TMOD2: variants seen among roughly 807,000 people sequenced by gnomAD.
The protein encoded by TMOD2 is tropomodulin 2.
In TMOD2, 22 loss-of-function variants were observed where a neutral mutation model predicts 39.9. The ratio of observed to expected loss-of-function variants is 0.55; its 90% CI spans 0.39 to 0.79. TMOD2 has a LOEUF of 0.79. Among genes scored for constraint, TMOD2 ranks in the 30% least tolerant of loss-of-function variants. The probability of loss-of-function intolerance (pLI) is 0.00; values close to 1 mark genes in which losing one functional copy is unlikely to be tolerated. For synonymous variants in TMOD2, 123 were observed against 146.1 expected, an observed-to-expected ratio of 0.84 and a Z score of 1.14; for missense variants, 386 against 413.3, an observed-to-expected ratio of 0.93 and a Z score of 0.57.
chr15:51,782,740 T>C lies in TMOD2; in HGVS notation c.644T>C (p.Leu215Pro). The C allele has an allele frequency of 6.2e-7, 1 of 1,613,940 alleles. No individual in the cohort carries two copies. Among genetic ancestry groups the C allele is most frequent in the Non-Finnish European group, 8.5e-7 (1 of 1,179,810 alleles). The change falls in exon 7 of 10, where the codon CTG (leucine) becomes CCG (proline). Residue 215 changes from leucine (L) to proline (P), a missense_variant. Transcript: ENST00000249700. ...TCTTAGAACATTCCAATTCCAACCC[T>C]GAGGGAATTTGCAAAGGCTCTGGAG... is the stretch of plus-strand genomic sequence containing the variant. ...NNIKNIPIPT[L>P]REFAKALETN... is the part of the protein sequence containing the mutation.
rs751594954 is a variant in TMOD2, at chr15:51,782,741, G to A, written c.645G>A (p.Leu215=). The part of the protein sequence containing the change: ...NNIKNIPIPT[L]REFAKALETN... The stretch of plus-strand genomic sequence containing the variant: ...CTTAGAACATTCCAATTCCAACCCT[G>A]AGGGAATTTGCAAAGGCTCTGGAGA... Residue 215 remains leucine (L), a synonymous_variant, in exon 7 of 10, where the codon CTG becomes CTA. Transcript: ENST00000249700. 5.0e-6 allele frequency: 8 copies of A among 1,613,986 alleles called. No individual in the cohort carries two copies. In the South Asian group the frequency reaches 8.8e-5, roughly 18 times the overall value.
intron 7 of TMOD2, among the ~76,000 whole-genome samples, chr15:51,793,105 A>T (rs776932876): frequency 2.0e-5 from 3 of 152,210 alleles, no homozygotes; most frequent in African/African-American, 4.8e-5. Flanking sequence ...TACATAGTAG[A>T]CAAAATTAAT....
chr15:51,801,377 T>C (rs1293043481), intron 8 of TMOD2, among the ~76,000 whole-genome samples: 1 of 151,888 alleles, frequency 6.6e-6, no homozygotes, highest in Admixed American at 6.6e-5. Flanking sequence ...AATGAGGGAA[T>C]TCGGGGTCAA....
At chr15:51,780,089 G>A (rs2055919425) in intron 5 of TMOD2, among the ~76,000 whole-genome samples, 1 of 152,146 alleles carries the variant, frequency 6.6e-6, no homozygotes, top group African/African-American at 2.4e-5. Context: ...ATGTTTTGCT[G>A]TCACAAGTAA....
Position 51,776,932 on chromosome 15 carries a change from C to T in TMOD2, c.407C>T (p.Ala136Val), listed in dbSNP as rs753218980. ...ASDTELYDLA[A>V]VLGVHNLLNN... is the part of the protein sequence containing the mutation. Reference sequence around the variant, plus strand: ...ATGCTCATTTGTTGACTGTTTTTAGCTGTCCTTGGAGTACACAATTTGCTC... The same window carrying T: ...ATGCTCATTTGTTGACTGTTTTTAGTTGTCCTTGGAGTACACAATTTGCTC... The change falls in exon 5 of 10, where the codon GCT (alanine) becomes GTT (valine). Residue 136 changes from alanine (A) to valine (V), a missense_variant and splice_region_variant. Transcript: ENST00000249700. 35 of 1,613,258 alleles carry T rather than the reference C, an allele frequency of 2.2e-5. No individual in the cohort carries two copies. In the South Asian group the frequency reaches 3.7e-4, roughly 17 times the overall value.
intron 1 of TMOD2, among the ~76,000 whole-genome samples, chr15:51,764,938 C>G (rs992544798): frequency 1.3e-5 from 2 of 152,156 alleles, no homozygotes; most frequent in Non-Finnish European, 2.9e-5. Flanking sequence ...CTAATACTTA[C>G]GGCATTATTG....
Position 51,751,983 on chromosome 15 carries a change from C to G in TMOD2, c.-70+271C>G, listed in dbSNP as rs1595857749. 2.0e-5 allele frequency among the ~76,000 whole-genome samples: 3 copies of G among 151,516 alleles called. No individual in the cohort carries two copies. In the East Asian group the frequency reaches 5.9e-4, roughly 30 times the overall value. On this transcript the variant is annotated intron_variant, in intron 1 of 9. Transcript: ENST00000249700. ...GCGCCCCGCACTGCGGTGCCGCAGC[C>G]TCTGCAGCCCGCTGGGCCGCAGCGG...
At position 51,801,229 on chromosome 15, in the gene TMOD2, T is replaced by TCACACACA. The variant is rs1391987137; in HGVS notation, c.876+2890_876+2891insACACACAC. On this transcript the variant is annotated intron_variant, in intron 8 of 9. Transcript: ENST00000249700. ...TTCATTCTCTCTCCCTCTCTCTCTC[T>TCACACACA]CTCTCTCTCACACACACACACACAC... 3.7e-3 allele frequency among the ~76,000 whole-genome samples: 360 copies of TCACACACA among 98,460 alleles called. 1 individual carries two copies. The highest frequency in any genetic ancestry group is 0.015 in the African/African-American group (317 of 20,992). The allele number at this position is 98,460 out of a possible 152,430, so 64.6% of individuals were successfully genotyped here. A position where few individuals can be genotyped will look rare whatever the true frequency, so the allele number is the denominator to read the frequency against.
intron 4 of TMOD2, among the ~76,000 whole-genome samples, chr15:51,776,552 A>G (rs2055890629): frequency 6.6e-6 from 1 of 152,194 alleles, no homozygotes; most frequent in African/African-American, 2.4e-5. Context: ...AGTAATCTAT[A>G]TAATGTTAGA....
rs1297857115 is a variant in TMOD2, at chr15:51,766,394, T to C, written c.-48T>C. 3 of 1,568,246 alleles carry C rather than the reference T, an allele frequency of 1.9e-6. No individual in the cohort carries two copies. The highest frequency in any genetic ancestry group is 4.5e-5 in the East Asian group (2 of 44,522). ...ACAGTATTCTGAAGTCTCAGGAAAC[T>C]GGACCATTTAAATGTGCATGGCCCA... is the stretch of plus-strand genomic sequence containing the variant. On this transcript the variant is annotated 5_prime_UTR_variant, in exon 2 of 10. Coordinates refer to ENST00000249700, the MANE Select transcript of TMOD2 (RefSeq NM_014548.4).
chr15:51,779,858 T>C (rs1373325869), intron 5 of TMOD2, among the ~76,000 whole-genome samples: 1 of 152,008 alleles, frequency 6.6e-6, no homozygotes, highest in Non-Finnish European at 1.5e-5. Context: ...TTTTTAAAAT[T>C]TATTGTAGAG....
chr15:51,810,194 G>C lies in TMOD2; in HGVS notation c.*1740G>C, dbSNP rs899499474. 1 of 152,090 alleles carries C rather than the reference G, an allele frequency of 6.6e-6. No homozygotes were observed. The highest frequency in any genetic ancestry group is 2.4e-5 in the African/African-American group (1 of 41,400). 9.4% of individuals were successfully genotyped at this position (152,090 alleles called of 1,614,324 possible). On this transcript the variant is annotated 3_prime_UTR_variant, in exon 10 of 10. Transcript: ENST00000249700. Reference sequence around the variant, plus strand: ...ACCCATTTAGGTGTGATGTGTTGGAGTCAACTTGTACAGGCTTGCCAACTG... The same window carrying C: ...ACCCATTTAGGTGTGATGTGTTGGACTCAACTTGTACAGGCTTGCCAACTG...
At position 51,810,184 on chromosome 15, in the gene TMOD2, A is replaced by G. The variant is rs185936425; in HGVS notation, c.*1730A>G. 2 of 152,118 alleles carry G rather than the reference A, an allele frequency of 1.3e-5. No individual in the cohort carries two copies. Among genetic ancestry groups the G allele is most frequent in the East Asian group, 1.9e-4 (1 of 5,196 alleles). 9.4% of individuals were successfully genotyped at this position (152,118 alleles called of 1,614,324 possible). On this transcript the variant is annotated 3_prime_UTR_variant, in exon 10 of 10. Coordinates refer to ENST00000249700, the MANE Select transcript of TMOD2 (RefSeq NM_014548.4). ...CTTCCCTTTCACCCATTTAGGTGTG[A>G]TGTGTTGGAGTCAACTTGTACAGGC...
chr15:51,771,979 G>A (rs1184434934), intron 3 of TMOD2, among the ~76,000 whole-genome samples: 1 of 152,198 alleles, frequency 6.6e-6, no homozygotes, highest in Non-Finnish European at 1.5e-5. Context: ...ACGACAAGCA[G>A]TGCCTTTCTT....
At chr15:51,788,368 G>A (rs4534783) in intron 7 of TMOD2, among the ~76,000 whole-genome samples, 1 of 152,002 alleles carries the variant, frequency 6.6e-6, no homozygotes, top group South Asian at 2.1e-4. Flanking sequence ...AAATATGGGA[G>A]TATGTGAAAA....
In TMOD2 at chr15:51,810,342, A is replaced by C. The variant is rs969985724; in HGVS notation, c.*1888A>C. 3.3e-5 allele frequency: 5 copies of C among 152,240 alleles called. No individual in the cohort carries two copies. Among genetic ancestry groups the C allele is most frequent in the African/African-American group, 1.2e-4 (5 of 41,462 alleles). The allele number at this position is 152,240 out of a possible 1,614,324, so 9.4% of individuals were successfully genotyped here. On this transcript the variant is annotated 3_prime_UTR_variant, in exon 10 of 10. Transcript: ENST00000249700. ...AGAAGTAACAAATACTGTACTCAAA[A>C]ATCTTACATTTTACTATTTTCTAAC...
At chr15:51,793,216 T>G (rs1455225078) in intron 7 of TMOD2, among the ~76,000 whole-genome samples, 1 of 152,186 alleles carries the variant, frequency 6.6e-6, no homozygotes, top group East Asian at 1.9e-4. Flanking sequence ...TCATCATAAG[T>G]CAAGGAGCAT....
intron 5 of TMOD2, among the ~76,000 whole-genome samples, chr15:51,780,163 G>A (rs1294352299): frequency 6.6e-6 from 1 of 152,098 alleles, no homozygotes; most frequent in African/African-American, 2.4e-5. Context: ...ATTTTTGTAG[G>A]TAAGACTTCT....
chr15:51,806,210 C>A (rs755648214), intron 8 of TMOD2, among the ~76,000 whole-genome samples, 167 bp from the exon 9 acceptor site: 2 of 152,212 alleles, frequency 1.3e-5, no homozygotes, highest in Non-Finnish European at 2.9e-5. Flanking sequence ...GAGCAGGACT[C>A]AAATGACTGT....
Sources: allele counts gnomAD v4.1 joint callset (sites outside exome capture counted in the v4.1 genomes callset), GRCh38; gene constraint gnomAD v4.1.1; transcripts MANE v1.5; gene names NCBI Gene and HGNC (gene_info 2026-07-23, HGNC 2026-07-21).